MAD1L1: variants seen among roughly 807,000 people sequenced by gnomAD.
The protein encoded by MAD1L1 is mitotic arrest deficient 1 like 1.
Under a neutral mutation model 96.9 loss-of-function variants are expected in MAD1L1, and 95 were observed. The observed-to-expected ratio is 0.98, with a 90% CI of 0.83 to 1.16. The LOEUF (loss-of-function observed/expected upper bound fraction) is 1.16. Ranked by LOEUF, MAD1L1 falls within the 50% of genes most tolerant of loss-of-function variation. The pLI is 0.00. For synonymous variants in MAD1L1, 473 were observed against 396.6 expected (o/e 1.19, Z -2.29); for missense variants, 1,007 against 954.4 (o/e 1.06, Z -0.73).
chr7:2,059,508 G>A (rs535417082), intron 12 of MAD1L1, among the ~76,000 whole-genome samples: 51 of 150,974 alleles, frequency 3.4e-4, no homozygotes, highest in Non-Finnish European at 4.0e-4. Context: ...GGAAAGGTGC[G>A]GGGCTGGAAA....
Position 1,914,816 on chromosome 7 carries a change from TG to T in MAD1L1, c.1808-16427del, listed in dbSNP as rs367653965. Among the ~76,000 whole-genome samples, 164 of 152,294 alleles carry T rather than the reference TG, an allele frequency of 1.1e-3. 1 individual carries two copies. In the South Asian group the frequency reaches 0.023, roughly 22 times the overall value. ...TATTTTTATAAATAGGGTCTTGCTA[TG>T]CTGCCCAGGCTGGTCTCCAACCGAG... On this transcript the variant is annotated intron_variant, in intron 17 of 18. Coordinates refer to ENST00000265854, the MANE Select transcript of MAD1L1 (RefSeq NM_001013836.2).
intron 17 of MAD1L1, among the ~76,000 whole-genome samples, chr7:1,919,588 T>C (rs1475799628): frequency 2.0e-5 from 3 of 152,356 alleles, no homozygotes; most frequent in East Asian, 3.9e-4. Flanking sequence ...CAGAGGCCAA[T>C]GGGCTCAGGC....
intron 17 of MAD1L1, among the ~76,000 whole-genome samples, chr7:1,924,173 GA>G (rs1323029467): frequency 1.8e-4 from 28 of 152,202 alleles, no homozygotes; most frequent in African/African-American, 6.3e-4. Context: ...CAAGTGATTG[GA>G]AAACACAGAC....
At chr7:1,931,242 C>T (rs1159680591) in intron 17 of MAD1L1, among the ~76,000 whole-genome samples, 1 of 151,588 alleles carries the variant, frequency 6.6e-6, no homozygotes, top group African/African-American at 2.4e-5. Context: ...CCCAACTCCT[C>T]ACCCCACGCA....
intron 11 of MAD1L1, among the ~76,000 whole-genome samples, chr7:2,128,930 G>C (rs1202703331): frequency 6.6e-6 from 1 of 152,216 alleles, no homozygotes; most frequent in Admixed American, 6.5e-5. Context: ...ACAGGGAGGA[G>C]GAGAAAAGCC....
chr7:1,844,415 G>T (rs1220299873), intron 18 of MAD1L1, among the ~76,000 whole-genome samples: 1 of 152,124 alleles, frequency 6.6e-6, no homozygotes, highest in East Asian at 1.9e-4. Context: ...AGAGACGCCG[G>T]TTGGGTGCTC....
chr7:1,933,738 T>C (rs940863904), intron 17 of MAD1L1, among the ~76,000 whole-genome samples: 1 of 152,148 alleles, frequency 6.6e-6, no homozygotes. Context: ...GGAGTCTTCA[T>C]CTTTCCCGGG....
chr7:2,225,689 T>C (rs1793857022), intron 3 of MAD1L1, 139 bp from the exon 4 acceptor site: 3 of 911,284 alleles, frequency 3.3e-6, no homozygotes, highest in South Asian at 3.4e-5. Flanking sequence ...GCCCAGCCAC[T>C]GGGCTCCAGG....
chr7:1,948,496 C>T (rs1388067297), intron 16 of MAD1L1, among the ~76,000 whole-genome samples: 4 of 152,176 alleles, frequency 2.6e-5, no homozygotes, highest in South Asian at 4.1e-4. Flanking sequence ...ACCCAGGAGA[C>T]GGCGCTGAGG....
At chr7:1,945,953 C>T (rs1407381069) in intron 16 of MAD1L1, among the ~76,000 whole-genome samples, 2 of 152,304 alleles carry the variant, frequency 1.3e-5, no homozygotes, top group Non-Finnish European at 2.9e-5. Context: ...GCACTTCCCA[C>T]CATGGACATA....
In MAD1L1 at chr7:2,218,007, G is replaced by C; in HGVS notation, c.633C>G (p.Leu211=). 6.2e-7 allele frequency: 1 copy of C among 1,614,144 alleles called. No individual in the cohort carries two copies. Among genetic ancestry groups the C allele is most frequent in the African/African-American group, 1.3e-5 (1 of 75,036 alleles). Reference sequence around the variant, plus strand: ...CTGCTCTTGCTTCTTGGCTGGCCTGGAGTTCCTGGATTTTCTGATTGGCTT... The same window carrying C: ...CTGCTCTTGCTTCTTGGCTGGCCTGCAGTTCCTGGATTTTCTGATTGGCTT... ...CQEANQKIQE[L]QASQEARADH... The change falls in exon 7 of 19, where the codon CTC becomes CTG. Residue 211 remains leucine, a synonymous_variant. Coordinates refer to ENST00000265854, the MANE Select transcript of MAD1L1 (RefSeq NM_001013836.2).
At chr7:2,173,825 G>A (rs1481470922) in intron 10 of MAD1L1, among the ~76,000 whole-genome samples, 1 of 152,194 alleles carries the variant, frequency 6.6e-6, no homozygotes, top group Non-Finnish European at 1.5e-5. Context: ...TTAAGATAGG[G>A]TCTCACTCTG....
At chr7:2,022,199 A>G (rs989020861) in intron 12 of MAD1L1, among the ~76,000 whole-genome samples, 1 of 152,194 alleles carries the variant, frequency 6.6e-6, no homozygotes, top group African/African-American at 2.4e-5. Context: ...ACGATGGTGC[A>G]GGGATGGGTG....
chr7:1,831,976 C>A (rs998057318), intron 18 of MAD1L1, among the ~76,000 whole-genome samples: 2 of 152,172 alleles, frequency 1.3e-5, no homozygotes, highest in Non-Finnish European at 1.5e-5. Flanking sequence ...ACACAGCATC[C>A]ATCCTGTGGC....
rs1236765580 is a variant in MAD1L1 at position 1,870,770 on chromosome 7, C to T, written c.1998+27430G>A. On this transcript the variant is annotated intron_variant, in intron 18 of 18. Transcript: ENST00000265854. ...CCAACATATGCCTGCCACGCTGAACCGACCATAACACCTGCCACGCTGAAC... is the reference window on the plus strand; with the variant it reads ...CCAACATATGCCTGCCACGCTGAACTGACCATAACACCTGCCACGCTGAAC... Among the ~76,000 whole-genome samples, 61 of 140,086 alleles carry T rather than the reference C, an allele frequency of 4.4e-4. 1 individual carries two copies. The highest frequency in any genetic ancestry group is 1.5e-3 in the African/African-American group (54 of 36,260). The allele number at this position is 140,086 out of a possible 152,430, so 91.9% of individuals were successfully genotyped here.
chr7:1,816,215 G>C lies in MAD1L1; in HGVS notation c.2012C>G (p.Ser671Trp), dbSNP rs577277453. The C allele has an allele frequency of 6.2e-7, 1 of 1,612,544 alleles. No individual in the cohort carries two copies. The highest frequency in any genetic ancestry group is 8.5e-7 in the Non-Finnish European group (1 of 1,179,524). ...DCLIFKATSP[S>W]GSKMQLLETE... ...CTCCAGTAGCTGCATCTTGGAACCC[G>C]AGGGGCTGGTGGCCTGCGGGGCAGT... The change falls in exon 19 of 19, where the codon TCG (serine) becomes TGG (tryptophan). Residue 671 changes from serine (S) to tryptophan (W), a missense_variant. Physicochemically the swap from Ser to Trp is radical, Grantham distance 177 (BLOSUM62 -3). Transcript: ENST00000265854.
chr7:2,013,542 C>T (rs1404665413), intron 13 of MAD1L1, among the ~76,000 whole-genome samples: 1 of 152,256 alleles, frequency 6.6e-6, no homozygotes, highest in African/African-American at 2.4e-5. Context: ...ATCACAACGG[C>T]ACCCACTCCA....
chr7:2,090,779 C>A (rs1335762702), intron 11 of MAD1L1, among the ~76,000 whole-genome samples: 2 of 152,222 alleles, frequency 1.3e-5, no homozygotes, highest in Admixed American at 6.5e-5. Context: ...CCGGGCGGGG[C>A]CCTCATCGCT....
At chr7:1,887,980 T>G (rs1457967020) in intron 18 of MAD1L1, among the ~76,000 whole-genome samples, 1 of 95,540 alleles carries the variant, frequency 1.0e-5, no homozygotes, top group South Asian at 3.8e-4. Context: ...TGCATGTGTG[T>G]GTGCATGCAT....
Sources: allele counts gnomAD v4.1 joint callset (sites outside exome capture counted in the v4.1 genomes callset), GRCh38; gene constraint gnomAD v4.1.1; transcripts MANE v1.5; gene names NCBI Gene and HGNC (gene_info 2026-07-23, HGNC 2026-07-21).